MAP3K9: variants seen among roughly 807,000 people sequenced by gnomAD.
MAP3K9 encodes mixed lineage kinase 1 (tyr and ser/thr specificity).
MAP3K9 carries 46 observed loss-of-function variants against 95.8 expected under a neutral mutation model. The ratio of observed to expected loss-of-function variants is 0.48; its 90% CI spans 0.38 to 0.61. The LOEUF is 0.61. Among genes scored for constraint, MAP3K9 ranks in the 20% least tolerant of loss-of-function variants. The pLI, the probability that MAP3K9 is intolerant of heterozygous loss-of-function variation, is 0.00. For synonymous variants in MAP3K9, 533 were observed against 593.8 expected, an observed-to-expected ratio of 0.90 and a Z score of 1.49; for missense variants, 1,296 against 1,474.3, an observed-to-expected ratio of 0.88 and a Z score of 1.98.
chr14:70,784,474 G>A (rs2054722812), intron 2 of MAP3K9, among the ~76,000 whole-genome samples: 1 of 152,182 alleles, frequency 6.6e-6, no homozygotes, highest in South Asian at 2.1e-4. Flanking sequence ...CGGGCACAGT[G>A]GCTCATGCCT....
Position 70,742,432 on chromosome 14 carries a change from G to T in MAP3K9, c.1486C>A (p.Pro496Thr), listed in dbSNP as rs1387502876. 2 of 1,614,202 alleles carry T rather than the reference G, an allele frequency of 1.2e-6. No homozygotes were observed. Among genetic ancestry groups the T allele is most frequent in the East Asian group, 2.2e-5 (1 of 44,880 alleles). ...TTGCCCTTGCGTTTCTTCACCCGGG[G>T]CTTCTCCTGGCACAGCTGGTGGATG... The part of the protein sequence containing the change: ...IIIHQLCQEK[P>T]RVKKRKGKFR... The change falls in exon 6 of 12, where the codon CCC (proline) becomes ACC (threonine). Residue 496 changes from proline to threonine, a missense_variant. Around this residue, in one of 5 missense-constraint regions of MAP3K9, gnomAD observed 377 missense variants for 417.1 expected, o/e 0.90. Coordinates refer to ENST00000554752, the MANE Select transcript of MAP3K9 (RefSeq NM_001284230.2).
At chr14:70,775,139 ATG>A (rs969101915) in intron 2 of MAP3K9, among the ~76,000 whole-genome samples, 6 of 152,046 alleles carry the variant, frequency 3.9e-5, no homozygotes, top group Non-Finnish European at 8.8e-5. Context: ...TAGGATAAAC[ATG>A]TGTTTTTGTT....
In MAP3K9 at chr14:70,809,340, G is replaced by A. The variant is rs2055040872; in HGVS notation, c.-169C>T. 1 of 876,760 alleles carries A rather than the reference G, an allele frequency of 1.1e-6. No homozygotes were observed. The highest frequency in any genetic ancestry group is 1.5e-6 in the Non-Finnish European group (1 of 664,072). The allele number at this position is 876,760 out of a possible 1,614,324, so 54.3% of individuals were successfully genotyped here. On this transcript the variant is annotated 5_prime_UTR_variant, in exon 1 of 12. Transcript: ENST00000554752. ...GAGCCGGCTCGCCGGCGCTGTTACC[G>A]CGGTACGAGAAGAGCGCCGAGCGCG...
chr14:70,793,901 C>T (rs1482655153), intron 2 of MAP3K9, among the ~76,000 whole-genome samples: 16 of 152,194 alleles, frequency 1.1e-4, no homozygotes, highest in Admixed American at 1.0e-3. Context: ...AACTGACTCA[C>T]CCTGGCTGGA....
chr14:70,737,620 G>A (rs746427662), intron 8 of MAP3K9, among the ~76,000 whole-genome samples: 3 of 152,138 alleles, frequency 2.0e-5, no homozygotes, highest in Admixed American at 2.0e-4. Flanking sequence ...TAGTTCTAGC[G>A]GCCCTGGAGT....
intron 2 of MAP3K9, among the ~76,000 whole-genome samples, chr14:70,794,700 T>C (rs1566766079): frequency 1.3e-5 from 2 of 151,372 alleles, no homozygotes; most frequent in Non-Finnish European, 2.9e-5. Flanking sequence ...TTTTCCAAGA[T>C]GTTGTCTCAC....
chr14:70,775,440 A>T (rs2139813757), intron 2 of MAP3K9, among the ~76,000 whole-genome samples: 1 of 152,308 alleles, frequency 6.6e-6, no homozygotes, highest in South Asian at 2.1e-4. Flanking sequence ...TGGGGGTCAA[A>T]TGTTGAGAAG....
rs192393001 is a variant in MAP3K9, at chr14:70,757,982, A to G, written c.1001+3020T>C. Among the ~76,000 whole-genome samples the G allele has an allele frequency of 2.5e-4, 38 of 152,304 alleles. 1 individual carries two copies. Among genetic ancestry groups the G allele is most frequent in the Admixed American group, 2.4e-3 (37 of 15,296 alleles). On this transcript the variant is annotated intron_variant, in intron 3 of 11. Coordinates refer to ENST00000554752, the MANE Select transcript of MAP3K9 (RefSeq NM_001284230.2). ...AAATATAGGAGTGTAAGTCTTCATG[A>G]CTTTGGACTAGGCAATGTTTTTTAG... is the stretch of plus-strand genomic sequence containing the variant.
chr14:70,749,225 T>G (rs540734207), intron 4 of MAP3K9, among the ~76,000 whole-genome samples: 1 of 152,240 alleles, frequency 6.6e-6, no homozygotes, highest in Non-Finnish European at 1.5e-5. Flanking sequence ...GCAGCAGTTC[T>G]GTACTCATTC....
At chr14:70,774,215 C>T (rs1333185300) in intron 2 of MAP3K9, among the ~76,000 whole-genome samples, 4 of 152,134 alleles carry the variant, frequency 2.6e-5, no homozygotes, top group Non-Finnish European at 5.9e-5. Context: ...GTTCAAATAC[C>T]GTGTAAATTA....
rs2055040771 is a variant in MAP3K9 at position 70,809,337 on chromosome 14, A to C, written c.-166T>G. 2 of 893,412 alleles carry C rather than the reference A, an allele frequency of 2.2e-6. No homozygotes were observed. Among genetic ancestry groups the C allele is most frequent in the Non-Finnish European group, 2.9e-6 (2 of 679,780 alleles). The allele number at this position is 893,412 out of a possible 1,614,324, so 55.3% of individuals were successfully genotyped here. On this transcript the variant is annotated 5_prime_UTR_variant, in exon 1 of 12. Coordinates refer to ENST00000554752, the MANE Select transcript of MAP3K9 (RefSeq NM_001284230.2). ...GGAGAGCCGGCTCGCCGGCGCTGTT[A>C]CCGCGGTACGAGAAGAGCGCCGAGC...
At chr14:70,747,863 C>T (rs1430089374) in intron 5 of MAP3K9, among the ~76,000 whole-genome samples, 1 of 152,138 alleles carries the variant, frequency 6.6e-6, no homozygotes, top group Non-Finnish European at 1.5e-5. Flanking sequence ...AATCCCAGCC[C>T]TTTGGGAGGC....
chr14:70,730,561 T>C lies in MAP3K9; in HGVS notation c.3134A>G (p.Glu1045Gly). Residue 1045 changes from glutamate to glycine, a missense_variant, in exon 12 of 12, where the codon GAG becomes GGG. Around this residue, in one of 5 missense-constraint regions of MAP3K9, gnomAD observed 433 missense variants for 441.4 expected, o/e 0.98. Coordinates refer to ENST00000554752, the MANE Select transcript of MAP3K9 (RefSeq NM_001284230.2). ...GAGCAGGGCTGGAAGTCCAGGCCGC[T>C]CCTCTACAGTGCTGCTACTGCTAGC... ...CFASSSSTVEERPGLPALLPF... is the reference protein window; with the variant it reads ...CFASSSSTVEGRPGLPALLPF... The C allele has an allele frequency of 6.2e-7, 1 of 1,613,992 alleles. No homozygotes were observed. The highest frequency in any genetic ancestry group is 8.5e-7 in the Non-Finnish European group (1 of 1,180,022).
At chr14:70,764,531 TAA>T (rs918299925) in intron 2 of MAP3K9, among the ~76,000 whole-genome samples, 1 of 145,376 alleles carries the variant, frequency 6.9e-6, no homozygotes. Context: ...CCAGGCTCTT[TAA>T]AAAAAAAAAA....
chr14:70,788,985 AGAG>A (rs2054778045), intron 2 of MAP3K9, among the ~76,000 whole-genome samples: 1 of 152,206 alleles, frequency 6.6e-6, no homozygotes, highest in South Asian at 2.1e-4. Flanking sequence ...CTAATGCAGC[AGAG>A]AAGGGAGGGA....
intron 4 of MAP3K9, chr14:70,749,701 C>T: frequency 2.1e-6 from 1 of 484,696 alleles, no homozygotes; most frequent in South Asian, 4.1e-5. Flanking sequence ...TGCCGGATAG[C>T]AGGCTTTTGT....
At chr14:70,775,926 A>G (rs1325092701) in intron 2 of MAP3K9, among the ~76,000 whole-genome samples, 1 of 152,160 alleles carries the variant, frequency 6.6e-6, no homozygotes, top group Non-Finnish European at 1.5e-5. Context: ...TGGTGGCTCA[A>G]GCCTGTAATC....
intron 5 of MAP3K9, among the ~76,000 whole-genome samples, chr14:70,747,991 C>T (rs2139748499): frequency 7.0e-6 from 1 of 142,636 alleles, no homozygotes; most frequent in East Asian, 2.1e-4. Flanking sequence ...GCCTGTAGTC[C>T]CAGCTACTCG....
rs10583563 is a variant in MAP3K9, at chr14:70,803,337, TAAA to T, written c.407-2260_407-2258del. On this transcript the variant is annotated intron_variant, in intron 1 of 11. Transcript: ENST00000554752. ...GAGGAAATAAACCAAATTCAGATCT[TAAA>T]AAAAAAAAAAAAAAAAAAAAAACTG... 5.4e-3 allele frequency among the ~76,000 whole-genome samples: 407 copies of T among 75,192 alleles called. 3 individuals are homozygous for T. Among genetic ancestry groups the T allele is most frequent in the African/African-American group, 0.014 (258 of 17,942 alleles). The allele number at this position is 75,192 out of a possible 152,430, so 49.3% of individuals were successfully genotyped here.
Sources: allele counts gnomAD v4.1 joint callset (sites outside exome capture counted in the v4.1 genomes callset), GRCh38; gene constraint gnomAD v4.1.1; regional missense constraint gnomAD v4.1.1; transcripts MANE v1.5; gene names NCBI Gene and HGNC (gene_info 2026-07-23, HGNC 2026-07-21).